CADM2: variants seen among roughly 807,000 people sequenced by gnomAD.
CADM2 encodes immunoglobulin superfamily member 4D.
Under a neutral mutation model 49.8 loss-of-function variants are expected in CADM2, and 12 were observed. The ratio of observed to expected loss-of-function variants is 0.24; its 90% CI spans 0.15 to 0.39. CADM2 has a LOEUF of 0.39. Ranked by LOEUF, CADM2 falls within the 10% of genes least tolerant of loss-of-function variation. The probability of loss-of-function intolerance (pLI) is 1.00; values close to 1 mark genes in which losing one functional copy is unlikely to be tolerated. For synonymous variants in CADM2, 214 were observed against 175.4 expected (o/e 1.22, Z -1.74); for missense variants, 378 against 492.3 (o/e 0.77, Z 2.20).
intron 8 of CADM2, chr3:86,014,227 C>G: frequency 7.7e-7 from 1 of 1,291,166 alleles, no homozygotes; most frequent in South Asian, 1.6e-5. Context: ...AACTGTGTAG[C>G]TGGCAGAGCA....
At chr3:85,908,257 T>TCTTTC (rs67109925) in intron 5 of CADM2, among the ~76,000 whole-genome samples, 2 of 115,316 alleles carry the variant, frequency 1.7e-5, no homozygotes, top group African/African-American at 7.2e-5. Flanking sequence ...TTTTCTTCTT[T>TCTTTC]TTTTTTTTTT....
At chr3:85,886,078 G>A (rs1713614382) in intron 4 of CADM2, 112 bp from the exon 5 acceptor site, 5 of 1,481,152 alleles carry the variant, frequency 3.4e-6, no homozygotes, top group Non-Finnish European at 9.1e-7. Flanking sequence ...CATCTTGATC[G>A]AACTTCTTGT....
intron 1 of CADM2, among the ~76,000 whole-genome samples, chr3:85,318,276 A>G (rs562735331): frequency 5.3e-5 from 8 of 152,114 alleles, no homozygotes; most frequent in Non-Finnish European, 1.2e-4. Flanking sequence ...AGTCATATGA[A>G]TACAGAATGA....
chr3:85,280,180 C>A lies in CADM2; in HGVS notation c.61+320512C>A, dbSNP rs187033875. Among the ~76,000 whole-genome samples the A allele has an allele frequency of 1.8e-3, 273 of 151,724 alleles. 1 individual carries two copies. The highest frequency in any genetic ancestry group is 6.3e-3 in the African/African-American group (263 of 41,494). Reference sequence around the variant, plus strand: ...AAAACTGTACATTTTTACTTCTCCCCTTCACATGTACTTTGTTATTGATGG... The same window carrying A: ...AAAACTGTACATTTTTACTTCTCCCATTCACATGTACTTTGTTATTGATGG... On this transcript the variant is annotated intron_variant, in intron 1 of 9. Coordinates refer to ENST00000383699, the MANE Select transcript of CADM2 (RefSeq NM_001167675.2).
chr3:85,522,451 G>C (rs956093319), intron 1 of CADM2, among the ~76,000 whole-genome samples: 2 of 152,032 alleles, frequency 1.3e-5, no homozygotes, highest in African/African-American at 4.8e-5. Flanking sequence ...TTTCTTTATA[G>C]CATAGAGGTA....
rs182384137 is a variant in CADM2 at position 86,038,200 on chromosome 3, A to C, written c.971-27405A>C. ...GAAAAAACAACAACAAAAAACAAAA[A>C]CTACATTGTTTTCTCAACTTCTTAA... On this transcript the variant is annotated intron_variant, in intron 8 of 9. Coordinates refer to ENST00000383699, the MANE Select transcript of CADM2 (RefSeq NM_001167675.2). Among the ~76,000 whole-genome samples, 183 of 152,330 alleles carry C rather than the reference A, an allele frequency of 1.2e-3. No homozygotes were observed. In the Middle Eastern group the frequency reaches 0.017, roughly 14 times the overall value.
At chr3:85,352,769 C>T (rs1434288763) in intron 1 of CADM2, among the ~76,000 whole-genome samples, 1 of 152,018 alleles carries the variant, frequency 6.6e-6, no homozygotes, top group South Asian at 2.1e-4. Context: ...GACTGGATGA[C>T]CATGTCAAAT....
chr3:85,112,931 T>A (rs1324987718), intron 1 of CADM2, among the ~76,000 whole-genome samples: 1 of 151,752 alleles, frequency 6.6e-6, no homozygotes, highest in Admixed American at 6.6e-5. Flanking sequence ...TCATATATTT[T>A]ATATGTATTT....
intron 1 of CADM2, among the ~76,000 whole-genome samples, chr3:85,518,493 C>T (rs1559882553): frequency 2.0e-5 from 3 of 151,844 alleles, no homozygotes; most frequent in Non-Finnish European, 4.4e-5. Flanking sequence ...CTCTCCACTG[C>T]CAGGTAACCA....
At chr3:85,399,797 G>T (rs1391898226) in intron 1 of CADM2, among the ~76,000 whole-genome samples, 1 of 152,198 alleles carries the variant, frequency 6.6e-6, no homozygotes, top group Admixed American at 6.5e-5. Context: ...AAGAATGCTT[G>T]TGATTTTTGC....
At chr3:85,761,367 CTT>C (rs529447125) in intron 2 of CADM2, among the ~76,000 whole-genome samples, 18 of 101,072 alleles carry the variant, frequency 1.8e-4, no homozygotes, top group African/African-American at 5.3e-4. Context: ...CAACACAAAA[CTT>C]TTTTTTTTTT....
At chr3:85,727,022 T>C (rs2067728977) in intron 2 of CADM2, among the ~76,000 whole-genome samples, 1 of 152,128 alleles carries the variant, frequency 6.6e-6, no homozygotes, top group Non-Finnish European at 1.5e-5. Flanking sequence ...TTTAGTTGCA[T>C]TGTTTGACTT....
At chr3:85,525,536 G>A (rs2061141426) in intron 1 of CADM2, among the ~76,000 whole-genome samples, 1 of 151,994 alleles carries the variant, frequency 6.6e-6, no homozygotes, top group African/African-American at 2.4e-5. Context: ...TGTCTTTATA[G>A]TTGAAATATG....
chr3:84,983,441 A>G (rs1321278714), intron 1 of CADM2, among the ~76,000 whole-genome samples: 1 of 151,972 alleles, frequency 6.6e-6, no homozygotes, highest in Non-Finnish European at 1.5e-5. Context: ...CTAGAATTCC[A>G]AAGCCAATTT....
At chr3:85,090,438 A>G (rs145700104) in intron 1 of CADM2, among the ~76,000 whole-genome samples, 24 of 152,230 alleles carry the variant, frequency 1.6e-4, no homozygotes, top group African/African-American at 5.8e-4. Context: ...TTTTTGCTTT[A>G]TTAGTAATTT....
At chr3:85,399,503 A>G (rs573070295) in intron 1 of CADM2, among the ~76,000 whole-genome samples, 1,760 of 152,244 alleles carry the variant, frequency 0.012, 37 homozygotes, top group African/African-American at 0.04. Context: ...GTTTTTTCCA[A>G]TTCTGTGAAG....
At chr3:86,061,474 A>G (rs1738641415) in intron 8 of CADM2, among the ~76,000 whole-genome samples, 1 of 152,144 alleles carries the variant, frequency 6.6e-6, no homozygotes, top group Non-Finnish European at 1.5e-5. Flanking sequence ...TAAAAACAGA[A>G]GTTATATTTT....
intron 1 of CADM2, among the ~76,000 whole-genome samples, chr3:85,394,566 T>TA (rs1483632128): frequency 6.6e-6 from 1 of 152,142 alleles, no homozygotes; most frequent in Non-Finnish European, 1.5e-5. Context: ...GTGCTTTTTT[T>TA]AAAAAAAGCT....
intron 1 of CADM2, among the ~76,000 whole-genome samples, chr3:85,100,220 CA>C (rs2037959899): frequency 6.6e-6 from 1 of 152,116 alleles, no homozygotes; most frequent in South Asian, 2.1e-4. Context: ...ACTGTACTAC[CA>C]AAGTGATTTT....
Sources: gnomAD v4.1 joint callset for allele counts (sites outside exome capture counted in the v4.1 genomes callset) on GRCh38, gnomAD v4.1.1 for gene constraint, MANE v1.5 for transcripts, NCBI Gene and HGNC (gene_info 2026-07-23, HGNC 2026-07-21) for gene names.